The following STK32B variants were observed in gnomAD, a reference collection of about 807,000 sequenced individuals.
STK32B encodes the protein serine/threonine-protein kinase 32B.
In STK32B, 43 loss-of-function variants were observed where a neutral mutation model predicts 52.6. The ratio of observed to expected loss-of-function variants is 0.82; its 90% CI spans 0.64 to 1.05. The LOEUF (loss-of-function observed/expected upper bound fraction) is 1.05. Ranked by LOEUF, STK32B falls within the 50% of genes least tolerant of loss-of-function variation. STK32B has a pLI of 0.00. For missense variants in STK32B, 621 were observed against 534.6 expected, an observed-to-expected ratio of 1.16 and a Z score of -1.59; for synonymous variants, 238 against 204.3, an observed-to-expected ratio of 1.17 and a Z score of -1.41.
intron 6 of STK32B, among the ~76,000 whole-genome samples, chr4:5,428,234 C>T (rs894641472): frequency 2.6e-5 from 4 of 151,870 alleles, no homozygotes; most frequent in Non-Finnish European, 5.9e-5. Context: ...AGTGAAACCC[C>T]GTCTCTACTA....
chr4:5,021,125 C>T, the STK32B span, among the ~76,000 whole-genome samples: 2 of 152,212 alleles, frequency 1.3e-5, no homozygotes, highest in East Asian at 3.9e-4. Context: ...CCAGCTTGTC[C>T]CCACTGTATT....
At chr4:5,489,375 T>A (rs1719501747) in intron 11 of STK32B, among the ~76,000 whole-genome samples, 1 of 152,180 alleles carries the variant, frequency 6.6e-6, no homozygotes, top group Non-Finnish European at 1.5e-5. Flanking sequence ...TGGTTTCCTG[T>A]CCATAACTCA....
the STK32B span, among the ~76,000 whole-genome samples, chr4:5,041,349 A>G: frequency 6.6e-6 from 1 of 152,170 alleles, no homozygotes; most frequent in African/African-American, 2.4e-5. Flanking sequence ...CCCAGGCAAG[A>G]ATACAATGAA....
chr4:5,379,182 C>T (rs1311395944), intron 4 of STK32B, among the ~76,000 whole-genome samples: 6 of 152,096 alleles, frequency 3.9e-5, no homozygotes, highest in East Asian at 1.9e-4. Context: ...AGACTGTCGG[C>T]GGAGCTGGAC....
chr4:5,481,916 A>G (rs1718747004), intron 11 of STK32B, among the ~76,000 whole-genome samples: 2 of 152,090 alleles, frequency 1.3e-5, no homozygotes, highest in Admixed American at 1.3e-4. Flanking sequence ...ATTATTTCTG[A>G]GGGCTCTGTT....
chr4:5,472,645 T>A (rs889110320), intron 11 of STK32B, among the ~76,000 whole-genome samples: 1 of 152,190 alleles, frequency 6.6e-6, no homozygotes, highest in Non-Finnish European at 1.5e-5. Context: ...GAGGAAGGAA[T>A]TTAAGGGGCA....
rs943317324 is a variant in STK32B, at chr4:5,386,539, A to G, written c.435-11668A>G. On this transcript the variant is annotated intron_variant, in intron 4 of 11. Coordinates refer to ENST00000282908, the MANE Select transcript of STK32B (RefSeq NM_018401.3). This position sits in a 1 kb window ranked among gnomAD's most constrained non-coding sequence, Gnocchi z 4.5. Reference sequence around the variant, plus strand: ...TAGTAACTGAACATCTCTCAGCCTCATTGTCTTCATCTGTAAGGAGAGGGA... The same window carrying G: ...TAGTAACTGAACATCTCTCAGCCTCGTTGTCTTCATCTGTAAGGAGAGGGA... 8.5e-5 allele frequency among the ~76,000 whole-genome samples: 13 copies of G among 152,186 alleles called. No individual in the cohort carries two copies. The highest frequency in any genetic ancestry group is 3.1e-4 in the African/African-American group (13 of 41,432).
intron 3 of STK32B, among the ~76,000 whole-genome samples, chr4:5,264,772 G>C (rs933161022): frequency 1.1e-4 from 16 of 151,234 alleles, no homozygotes; most frequent in Non-Finnish European, 1.8e-4. Context: ...GGGCAACAGA[G>C]CGAGACTCCA....
intron 2 of STK32B, among the ~76,000 whole-genome samples, chr4:5,151,284 A>G (rs1007881936): frequency 2.0e-5 from 3 of 152,214 alleles, no homozygotes; most frequent in East Asian, 3.8e-4. Flanking sequence ...GCCTTTCATA[A>G]TAAATGCAGG....
At chr4:5,462,593 C>G (rs1717121266) in intron 9 of STK32B, among the ~76,000 whole-genome samples, 1 of 152,216 alleles carries the variant, frequency 6.6e-6, no homozygotes, top group Admixed American at 6.5e-5. Context: ...CCCACCAGCA[C>G]TGTGCTGCAC....
chr4:5,349,055 C>A (rs921067780), intron 4 of STK32B, among the ~76,000 whole-genome samples: 1 of 150,974 alleles, frequency 6.6e-6, no homozygotes, highest in African/African-American at 2.5e-5. Flanking sequence ...GGTTGTTCTA[C>A]CATTGTGACT....
At chr4:5,040,085 C>T in the STK32B span, among the ~76,000 whole-genome samples, 4 of 152,148 alleles carry the variant, frequency 2.6e-5, no homozygotes, top group African/African-American at 9.7e-5. Context: ...GTAGGAGATG[C>T]GGTCGGTGCA....
chr4:5,166,978 A>G (rs566504618), intron 2 of STK32B, among the ~76,000 whole-genome samples: 3 of 152,170 alleles, frequency 2.0e-5, no homozygotes, highest in Admixed American at 1.3e-4. Flanking sequence ...AGCTCATACA[A>G]TCCTTGCTAA....
chr4:5,446,810 G>A, intron 7 of STK32B, 34 bp downstream of exon 7: 1 of 1,603,082 alleles, frequency 6.2e-7, no homozygotes, highest in Non-Finnish European at 8.5e-7. Flanking sequence ...CACACGAGGG[G>A]CTGTGCAGTG....
chr4:5,232,833 A>G (rs1724366113), intron 3 of STK32B, among the ~76,000 whole-genome samples: 1 of 151,888 alleles, frequency 6.6e-6, no homozygotes, highest in Admixed American at 6.6e-5. Flanking sequence ...TTCTGTTTAT[A>G]CCTCCTTCTG....
chr4:5,229,124 A>G (rs1383048237), intron 3 of STK32B, among the ~76,000 whole-genome samples: 8 of 152,188 alleles, frequency 5.3e-5, no homozygotes, highest in Non-Finnish European at 7.3e-5. Context: ...AATGATGCTG[A>G]TGGACTTGCT....
intron 3 of STK32B, among the ~76,000 whole-genome samples, chr4:5,182,325 C>T (rs967916035): frequency 5.3e-5 from 8 of 152,034 alleles, no homozygotes; most frequent in Non-Finnish European, 1.0e-4. Context: ...TTTTGACCGC[C>T]CATGAATCAC....
chr4:5,468,142 C>T, intron 11 of STK32B, 72 bp downstream of exon 11: 1 of 1,497,850 alleles, frequency 6.7e-7, no homozygotes, highest in Non-Finnish European at 9.3e-7. Flanking sequence ...GGCAGAATCA[C>T]AGTCCCTGCC....
At chr4:5,154,936 C>T (rs189111779) in intron 2 of STK32B, among the ~76,000 whole-genome samples, 32 of 152,330 alleles carry the variant, frequency 2.1e-4, no homozygotes, top group East Asian at 1.2e-3. Flanking sequence ...CCCTCCCACT[C>T]GGGATATGTG....
Sources: gnomAD v4.1 joint callset for allele counts (sites outside exome capture counted in the v4.1 genomes callset) on GRCh38, gnomAD v4.1.1 for gene constraint, Gnocchi (gnomAD v3.1) non-coding constraint, MANE v1.5 for transcripts, NCBI Gene and HGNC (gene_info 2026-07-23, HGNC 2026-07-21) for gene names.